SATB2: variants seen among roughly 807,000 people sequenced by gnomAD.
SATB2 encodes SATB homeobox 2.
A neutral mutation model predicts 73.4 loss-of-function variants in SATB2; 1 was observed. The ratio of observed to expected loss-of-function variants is 0.01; its 90% CI spans 0.00 to 0.06. SATB2 has a LOEUF of 0.06. Among genes scored for constraint, SATB2 ranks in the 10% least tolerant of loss-of-function variants. The probability of loss-of-function intolerance (pLI) is 1.00; values close to 1 mark genes in which losing one functional copy is unlikely to be tolerated. For synonymous variants in SATB2, 397 were observed against 367.0 expected (o/e 1.08, Z -0.93); for missense variants, 459 against 945.8 (o/e 0.49, Z 6.75).
At chr2:199,470,614 C>T (rs1025551598) in intron 1 of SATB2, 3 of 152,362 alleles carry the variant, frequency 2.0e-5, no homozygotes, top group African/African-American at 7.2e-5. Context: ...ACACCAACAG[C>T]TTATTCTACA....
At chr2:199,306,445 C>T (rs1687434751) in intron 10 of SATB2, among the ~76,000 whole-genome samples, 1 of 152,070 alleles carries the variant, frequency 6.6e-6, no homozygotes, top group African/African-American at 2.4e-5. Context: ...AGAAAATTAC[C>T]TAATTTGTAA....
chr2:199,394,693 CA>C (rs1183361407), intron 3 of SATB2, among the ~76,000 whole-genome samples: 10 of 152,022 alleles, frequency 6.6e-5, no homozygotes, highest in African/African-American at 2.4e-4. Flanking sequence ...CCCAGCTACT[CA>C]GGGGGCTGAC....
intron 3 of SATB2, among the ~76,000 whole-genome samples, chr2:199,412,302 C>G (rs189463359): frequency 6.6e-6 from 1 of 152,284 alleles, no homozygotes; most frequent in Admixed American, 6.5e-5. Flanking sequence ...TGCAGTAGTC[C>G]TGACTGAGCA....
chr2:199,455,420 C>T lies in SATB2; in HGVS notation c.169+449G>A, dbSNP rs555840198. Among the ~76,000 whole-genome samples, 3 of 152,214 alleles carry T rather than the reference C, an allele frequency of 2.0e-5. No individual in the cohort carries two copies. Among genetic ancestry groups the T allele is most frequent in the African/African-American group, 7.2e-5 (3 of 41,452 alleles). Reference sequence around the variant, plus strand: ...CAGTTGTCATTCATCTGTCTTGAAGCACTGTCCTCACTACAAAGTAACATC... The same window carrying T: ...CAGTTGTCATTCATCTGTCTTGAAGTACTGTCCTCACTACAAAGTAACATC... On this transcript the variant is annotated intron_variant, in intron 2 of 10. Coordinates refer to ENST00000417098, the MANE Select transcript of SATB2 (RefSeq NM_001172509.2). The surrounding 1 kb of genome is among the most constrained non-coding windows in gnomAD (Gnocchi z 4.1).
In SATB2 at chr2:199,395,617, G is replaced by A. The variant is rs919884475; in HGVS notation, c.347-13797C>T. ...ATAATATTGAAACATGATGTTCTAA[G>A]AACTGTAAGAGTCCAAAAATGATTA... On this transcript the variant is annotated intron_variant, in intron 3 of 10. Coordinates refer to ENST00000417098, the MANE Select transcript of SATB2 (RefSeq NM_001172509.2). 3.3e-5 allele frequency among the ~76,000 whole-genome samples: 5 copies of A among 152,066 alleles called. No individual in the cohort carries two copies. The South Asian group carries it at 1.0e-3, about 31-fold the overall frequency.
chr2:199,328,687 A>C lies in SATB2; in HGVS notation c.1386+11T>G. ...ACAAAGAGTGAAAAATACGGAAAGC[A>C]AGTTTCTCACCTGAGGGGTTCGGGA... On this transcript the variant is annotated intron_variant, in intron 8 of 10. Transcript: ENST00000417098. 1.2e-6 allele frequency: 2 copies of C among 1,609,806 alleles called. No individual in the cohort carries two copies. The highest frequency in any genetic ancestry group is 1.7e-6 in the Non-Finnish European group (2 of 1,177,530).
At chr2:199,389,011 T>C (rs1690040743) in intron 3 of SATB2, among the ~76,000 whole-genome samples, 2 of 152,184 alleles carry the variant, frequency 1.3e-5, no homozygotes, top group African/African-American at 4.8e-5. Flanking sequence ...CATAGAATTA[T>C]TTATCCATAA....
chr2:199,309,046 A>G (rs1687521040), intron 9 of SATB2, 89 bp from the exon 10 acceptor site: 6 of 1,074,084 alleles, frequency 5.6e-6, no homozygotes, highest in Non-Finnish European at 8.5e-6. Context: ...ATCACAGTAC[A>G]TCTTTTTCTG....
intron 8 of SATB2, among the ~76,000 whole-genome samples, chr2:199,326,774 T>C (rs1324243773): frequency 6.6e-6 from 1 of 152,162 alleles, no homozygotes; most frequent in African/African-American, 2.4e-5. Context: ...CAGATTTTTT[T>C]TTAAGTAAAC....
chr2:199,292,339 A>C (rs780858752), intron 10 of SATB2, among the ~76,000 whole-genome samples: 96 of 152,244 alleles, frequency 6.3e-4, no homozygotes, highest in Non-Finnish European at 1.2e-3. Context: ...GTAGGTGCCA[A>C]GACATTAAAC....
intron 3 of SATB2, among the ~76,000 whole-genome samples, chr2:199,418,569 A>T (rs1691067962): frequency 6.6e-6 from 1 of 152,180 alleles, no homozygotes; most frequent in Non-Finnish European, 1.5e-5. Context: ...GTAAAATGTG[A>T]ATTTATTTTC....
upstream of SATB2, among the ~76,000 whole-genome samples, chr2:199,465,386 A>G (rs141105697): frequency 3.9e-3 from 594 of 152,366 alleles, 9 homozygotes; most frequent in African/African-American, 0.013. Context: ...ACAGAAAGAC[A>G]TCTGCAGTGT....
At chr2:199,284,430 TC>T (rs1287492901) in intron 10 of SATB2, among the ~76,000 whole-genome samples, 1 of 152,190 alleles carries the variant, frequency 6.6e-6, no homozygotes, top group Admixed American at 6.5e-5. Context: ...AGAATGTTGC[TC>T]TAGTATCAAA....
chr2:199,315,751 G>A (rs1687716030), intron 9 of SATB2, among the ~76,000 whole-genome samples: 1 of 152,048 alleles, frequency 6.6e-6, no homozygotes, highest in Non-Finnish European at 1.5e-5. Flanking sequence ...TCCCACAAGA[G>A]TTAATAACTT....
At chr2:199,412,538 C>CT (rs1312021895) in intron 3 of SATB2, among the ~76,000 whole-genome samples, 5 of 152,220 alleles carry the variant, frequency 3.3e-5, no homozygotes, top group African/African-American at 1.2e-4. Context: ...CATGGCATTA[C>CT]TTTGTCTTCT....
At chr2:199,385,112 A>G (rs1425228475) in intron 3 of SATB2, among the ~76,000 whole-genome samples, 5 of 151,970 alleles carry the variant, frequency 3.3e-5, no homozygotes, top group Admixed American at 6.6e-5. Context: ...AAGTAGATTC[A>G]GATCTCCCCT....
chr2:199,431,926 G>A (rs184691785), intron 3 of SATB2, among the ~76,000 whole-genome samples: 1 of 152,220 alleles, frequency 6.6e-6, no homozygotes. Context: ...TTTGTGGGGG[G>A]AAGGGAAGGG....
At chr2:199,440,868 T>A (rs1215571475) in intron 2 of SATB2, among the ~76,000 whole-genome samples, 1 of 130,192 alleles carries the variant, frequency 7.7e-6, no homozygotes, top group African/African-American at 2.9e-5. Flanking sequence ...TTTTTTTTTT[T>A]AGATGGAATT....
chr2:199,331,796 C>G (rs1178261518), intron 7 of SATB2, among the ~76,000 whole-genome samples: 1 of 152,216 alleles, frequency 6.6e-6, no homozygotes, highest in African/African-American at 2.4e-5. Flanking sequence ...GACAGCATAA[C>G]TTTCACATAC....
Sources: gnomAD v4.1 joint callset for allele counts (sites outside exome capture counted in the v4.1 genomes callset) on GRCh38, gnomAD v4.1.1 for gene constraint, Gnocchi (gnomAD v3.1) non-coding constraint, MANE v1.5 for transcripts, NCBI Gene and HGNC (gene_info 2026-07-23, HGNC 2026-07-21) for gene names.